Variants in TACC2 observed in about 807,000 individuals in gnomAD.
TACC2 encodes transforming acidic coiled-coil containing protein 2, also known as transforming acidic coiled-coil-containing protein 2.
TACC2 carries 137 observed loss-of-function variants against 227.3 expected under a neutral mutation model. That is an observed-to-expected ratio of 0.60 (90% CI 0.52 to 0.69). TACC2 has a LOEUF of 0.69. TACC2 is among the 30% of genes least tolerant of loss of function. The pLI is 0.00. For synonymous variants in TACC2, 1,523 were observed against 1,487.5 expected, an observed-to-expected ratio of 1.02 and a Z score of -0.55; for missense variants, 3,470 against 3,694.4, an observed-to-expected ratio of 0.94 and a Z score of 1.57.
At position 122,209,007 on chromosome 10, in the gene TACC2, C is replaced by CGGAT. The variant is rs951243765; in HGVS notation, c.5972-1389_5972-1386dup. On this transcript the variant is annotated intron_variant, in intron 8 of 22. Coordinates refer to ENST00000369005, the MANE Select transcript of TACC2 (RefSeq NM_206862.4). The surrounding 1 kb of genome is among the most constrained non-coding windows in gnomAD (Gnocchi z 4.5). ...TAGCCAAGCCAAAGCTGGGGCTGGC[C>CGGAT]GGATCCCCATGGGCAGTAGGGTGGT... Among the ~76,000 whole-genome samples, 14 of 152,202 alleles carry CGGAT rather than the reference C, an allele frequency of 9.2e-5. 1 individual carries two copies. The highest frequency in any genetic ancestry group is 2.1e-4 in the Non-Finnish European group (14 of 68,038).
At chr10:122,079,999 C>T (rs1045761822) in intron 3 of TACC2, among the ~76,000 whole-genome samples, 7 of 152,194 alleles carry the variant, frequency 4.6e-5, no homozygotes, top group Admixed American at 3.9e-4. Context: ...TTAGTCTGCT[C>T]GGGCTGCCAT....
At chr10:122,013,994 A>T (rs1956250511) in intron 1 of TACC2, among the ~76,000 whole-genome samples, 1 of 151,454 alleles carries the variant, frequency 6.6e-6, no homozygotes, top group East Asian at 1.9e-4. Context: ...ATCAGAATTT[A>T]TTAAACTTAT....
intron 16 of TACC2, among the ~76,000 whole-genome samples, chr10:122,235,044 T>C (rs988449157): frequency 6.6e-6 from 1 of 152,246 alleles, no homozygotes; most frequent in African/African-American, 2.4e-5. Flanking sequence ...ATTTGTTGAC[T>C]TTAAAAGTGA....
chr10:122,085,545 A>G lies in TACC2; in HGVS notation c.3045A>G (p.Pro1015=). 6.2e-7 allele frequency: 1 copy of G among 1,613,400 alleles called. No homozygotes were observed. The highest frequency in any genetic ancestry group is 8.5e-7 in the Non-Finnish European group (1 of 1,180,046). Residue 1015 remains proline (P), a synonymous_variant, in exon 4 of 23, where the codon CCA becomes CCG. Transcript: ENST00000369005. The part of the protein sequence containing the change: ...SQHEEACQRH[P]GASEAADGCS... ...ATGAAGAAGCATGTCAAAGGCATCC[A>G]GGAGCTTCTGAAGCAGCTGATGGTT...
rs1354777334 is a variant in TACC2, at chr10:122,085,522, G to A, written c.3022G>A (p.Glu1008Lys). The change falls in exon 4 of 23, where the codon GAA becomes AAA. Residue 1008 changes from glutamate to lysine, a missense_variant. By Grantham distance (56) the Glu-to-Lys change is moderately conservative (BLOSUM62 1). Around this residue, in one of 10 missense-constraint regions of TACC2, gnomAD observed 1,924 missense variants for 1,978.3 expected, o/e 0.97. Coordinates refer to ENST00000369005, the MANE Select transcript of TACC2 (RefSeq NM_206862.4). ...TGCCTTGGAAGAAGGCAGCCAGCAT[G>A]AAGAAGCATGTCAAAGGCATCCAGG... ...ADALEEGSQHEEACQRHPGAS... is the reference protein window; with the variant it reads ...ADALEEGSQHKEACQRHPGAS... The A allele has an allele frequency of 6.2e-7, 1 of 1,613,474 alleles. No homozygotes were observed.
In TACC2 at chr10:122,085,861, G is replaced by C. The variant is rs147140774; in HGVS notation, c.3361G>C (p.Gly1121Arg). ...PKLLASFPSAGEQGGEAGAAE... is the reference protein window; with the variant it reads ...PKLLASFPSAREQGGEAGAAE... ...GCTTCTTGCAAGTTTCCCATCAGCT[G>C]GGGAGCAAGGTGGTGAAGCCGGGGC... is the stretch of plus-strand genomic sequence containing the variant. Residue 1121 changes from glycine to arginine, a missense_variant, in exon 4 of 23, where the codon GGG becomes CGG. This residue lies in a region of TACC2 where 1,924 missense variants were observed against 1,978.3 expected (regional missense o/e 0.97). Coordinates refer to ENST00000369005, the MANE Select transcript of TACC2 (RefSeq NM_206862.4). 1.2e-6 allele frequency: 2 copies of C among 1,613,098 alleles called. No homozygotes were observed. The highest frequency in any genetic ancestry group is 2.7e-5 in the African/African-American group (2 of 74,944).
intron 5 of TACC2, among the ~76,000 whole-genome samples, chr10:122,100,546 C>T (rs2082017961): frequency 6.6e-6 from 1 of 151,732 alleles, no homozygotes; most frequent in African/African-American, 2.4e-5. Context: ...GCCTCATCCT[C>T]CCAAGTGTCT....
chr10:122,203,099 T>G (rs1371739950), intron 8 of TACC2, among the ~76,000 whole-genome samples: 1 of 152,230 alleles, frequency 6.6e-6, no homozygotes, highest in Non-Finnish European at 1.5e-5. Context: ...TTCTCAATCT[T>G]TTCCCCACCT....
intron 1 of TACC2, among the ~76,000 whole-genome samples, chr10:122,008,420 CT>C (rs534821289): frequency 1.4e-3 from 211 of 151,950 alleles, no homozygotes; most frequent in African/African-American, 4.8e-3. Context: ...GCCACCAGGC[CT>C]GGCTAATATT....
chr10:122,137,189 T>A (rs1435487034), intron 6 of TACC2, among the ~76,000 whole-genome samples: 1 of 151,922 alleles, frequency 6.6e-6, no homozygotes, highest in African/African-American at 2.4e-5. Context: ...TAACCCTGGA[T>A]GACAGAGAAA....
chr10:122,022,062 G>C lies in TACC2; in HGVS notation c.33+48G>C, dbSNP rs750134217. On this transcript the variant is annotated intron_variant, in intron 2 of 22. Coordinates refer to ENST00000369005, the MANE Select transcript of TACC2 (RefSeq NM_206862.4). ...CTCGAGCTACGTGGTGCTCTTGGCA[G>C]ACCTTGACTAGGTTCTTTTTACAGC... 4 of 1,603,370 alleles carry C rather than the reference G, an allele frequency of 2.5e-6. No homozygotes were observed. The South Asian group carries it at 3.3e-5, about 13-fold the overall frequency.
intron 6 of TACC2, among the ~76,000 whole-genome samples, chr10:122,138,508 C>G (rs575079721): frequency 6.6e-6 from 1 of 152,236 alleles, no homozygotes; most frequent in East Asian, 1.9e-4. Context: ...GAAACTCAGT[C>G]TCAAAAAATA....
At chr10:122,243,341 A>C (rs2096046493) in intron 19 of TACC2, among the ~76,000 whole-genome samples, 1 of 152,110 alleles carries the variant, frequency 6.6e-6, no homozygotes, top group Non-Finnish European at 1.5e-5. Context: ...CTGTGCTGGC[A>C]CCTGGTCCCC....
In TACC2 at chr10:122,211,481, C is replaced by T. The variant is rs754726978; in HGVS notation, c.7056C>T (p.Ser2352=). The part of the protein sequence containing the change: ...WDDPNFNPFS[S]TSKMQESPKL... ...ACCCCAATTTTAACCCTTTTTCTTCCACCTCAAAAATGCAGGAGTCTCCCA... is the reference window on the plus strand; with the variant it reads ...ACCCCAATTTTAACCCTTTTTCTTCTACCTCAAAAATGCAGGAGTCTCCCA... Residue 2352 remains serine, a synonymous_variant, in exon 9 of 23, where the codon TCC becomes TCT. Transcript: ENST00000369005. 1.9e-6 allele frequency: 3 copies of T among 1,613,708 alleles called. No homozygotes were observed. Among genetic ancestry groups the T allele is most frequent in the Non-Finnish European group, 1.7e-6 (2 of 1,179,912 alleles).
At chr10:122,001,918 CTGAGTCATCTT>C (rs1278357987) in intron 1 of TACC2, among the ~76,000 whole-genome samples, 1 of 152,188 alleles carries the variant, frequency 6.6e-6, no homozygotes, top group Non-Finnish European at 1.5e-5. Flanking sequence ...ATTCCAAGCT[CTGAGTCATCTT>C]TGCATCTGCT....
At position 122,110,533 on chromosome 10, in the gene TACC2, C is replaced by A. The variant is rs1437114682; in HGVS notation, c.5573+21942C>A. ...GACTTCATCTTCTAATGAGTTGGTCCTACATGGGACTATGGCTGTGTCCGA... is the reference window on the plus strand; with the variant it reads ...GACTTCATCTTCTAATGAGTTGGTCATACATGGGACTATGGCTGTGTCCGA... On this transcript the variant is annotated intron_variant, in intron 5 of 22. Transcript: ENST00000369005. Among the ~76,000 whole-genome samples the A allele has an allele frequency of 4.6e-5, 7 of 152,138 alleles. No individual in the cohort carries two copies. The South Asian group carries it at 1.0e-3, about 23-fold the overall frequency.
At chr10:122,063,707 C>G (rs1005302563) in intron 3 of TACC2, among the ~76,000 whole-genome samples, 2 of 151,880 alleles carry the variant, frequency 1.3e-5, no homozygotes, top group African/African-American at 4.8e-5. Flanking sequence ...TCACACTCTT[C>G]TTTTTTCTAG....
chr10:122,200,397 ACGGGCACC>A (rs1159863776), intron 8 of TACC2, among the ~76,000 whole-genome samples: 6 of 151,990 alleles, frequency 3.9e-5, no homozygotes, highest in African/African-American at 1.2e-4. Context: ...CAGTGAGAGG[ACGGGCACC>A]TCACCTGCCC....
chr10:122,021,048 G>A (rs1957268604), intron 1 of TACC2, among the ~76,000 whole-genome samples: 1 of 152,110 alleles, frequency 6.6e-6, no homozygotes. Flanking sequence ...TGGCCAAGAT[G>A]GTGAAACCCC....
Sources: gnomAD v4.1 joint callset for allele counts (sites outside exome capture counted in the v4.1 genomes callset) on GRCh38, gnomAD v4.1.1 for gene constraint, gnomAD v4.1.1 regional missense constraint, Gnocchi (gnomAD v3.1) non-coding constraint, MANE v1.5 for transcripts, NCBI Gene and HGNC (gene_info 2026-07-23, HGNC 2026-07-21) for gene names.